Variants in NTRK3 observed in about 807,000 individuals in gnomAD.
NTRK3 encodes the protein NT-3 growth factor receptor.
NTRK3 carries 24 observed loss-of-function variants against 91.7 expected under a neutral mutation model. The ratio of observed to expected loss-of-function variants is 0.26; its 90% CI spans 0.19 to 0.37. NTRK3 has a LOEUF of 0.37. Among genes scored for constraint, NTRK3 ranks in the 10% least tolerant of loss-of-function variants. The probability of loss-of-function intolerance (pLI) is 1.00; values close to 1 mark genes in which losing one functional copy is unlikely to be tolerated. For synonymous variants in NTRK3, 483 were observed against 404.0 expected (o/e 1.20, Z -2.34); for missense variants, 880 against 1,068.9 (o/e 0.82, Z 2.46).
intron 17 of NTRK3, among the ~76,000 whole-genome samples, chr15:87,919,698 G>A (rs2067716463): frequency 6.6e-6 from 1 of 152,126 alleles, no homozygotes; most frequent in Admixed American, 6.6e-5. Context: ...GGTGAATCTT[G>A]GACAATTATC....
At chr15:87,963,336 G>A (rs915518779) in intron 14 of NTRK3, among the ~76,000 whole-genome samples, 14 of 152,030 alleles carry the variant, frequency 9.2e-5, no homozygotes, top group African/African-American at 3.1e-4. Flanking sequence ...TCAAACACAG[G>A]GGACTAGACA....
At chr15:88,249,231 G>T (rs1230084622) in intron 3 of NTRK3, among the ~76,000 whole-genome samples, 1 of 152,202 alleles carries the variant, frequency 6.6e-6, no homozygotes, top group Non-Finnish European at 1.5e-5. Context: ...TGAGCCCCAG[G>T]TTCCCCAGCC....
intron 3 of NTRK3, among the ~76,000 whole-genome samples, chr15:88,220,559 G>A (rs1281730342): frequency 6.6e-6 from 1 of 152,234 alleles, no homozygotes; most frequent in Non-Finnish European, 1.5e-5. Context: ...GTGTGAGTTG[G>A]TGAGAATGAA....
chr15:88,036,943 G>T (rs1596876438), intron 13 of NTRK3, among the ~76,000 whole-genome samples: 1 of 152,206 alleles, frequency 6.6e-6, no homozygotes, highest in African/African-American at 2.4e-5. Flanking sequence ...CTTTGAATCT[G>T]CTCACATAAA....
intron 3 of NTRK3, among the ~76,000 whole-genome samples, chr15:88,199,775 A>C (rs984530552): frequency 2.0e-5 from 3 of 152,190 alleles, no homozygotes; most frequent in African/African-American, 7.2e-5. Flanking sequence ...TCACCCCTGC[A>C]AGCATTCCTC....
exon 4 of NTRK3, chr15:88,184,283 G>A (rs770278704): frequency 5.0e-6 from 8 of 1,614,088 alleles, no homozygotes; most frequent in South Asian, 2.2e-5. Context: ...TGAAGACTGC[G>A]CCAGTTCTCT....
intron 14 of NTRK3, among the ~76,000 whole-genome samples, chr15:88,015,978 A>T (rs755708779): frequency 6.6e-6 from 1 of 151,506 alleles, no homozygotes; most frequent in African/African-American, 2.4e-5. Context: ...CTAGATGACA[A>T]ATTCAGATTA....
intron 14 of NTRK3, chr15:87,977,621 G>A (rs2073839347): frequency 4.3e-6 from 1 of 231,944 alleles, no homozygotes; most frequent in Non-Finnish European, 8.5e-6. Flanking sequence ...AGGGCACAAT[G>A]GGGAACAGCC....
intron 16 of NTRK3, among the ~76,000 whole-genome samples, chr15:87,932,413 T>C (rs1029202810): frequency 2.6e-5 from 4 of 152,318 alleles, no homozygotes; most frequent in East Asian, 1.9e-4. Flanking sequence ...TTAAACCTTA[T>C]TGAACTTTAA....
At chr15:88,025,130 C>T (rs984925331) in intron 14 of NTRK3, among the ~76,000 whole-genome samples, 3 of 152,236 alleles carry the variant, frequency 2.0e-5, no homozygotes, top group Non-Finnish European at 4.4e-5. Flanking sequence ...AGGAGACCCT[C>T]GGGCAGGAGC....
At chr15:88,188,153 G>A (rs2047096331) in intron 3 of NTRK3, among the ~76,000 whole-genome samples, 1 of 152,126 alleles carries the variant, frequency 6.6e-6, no homozygotes, top group Non-Finnish European at 1.5e-5. Flanking sequence ...CATGGTGATG[G>A]CCCCCACAGG....
Position 88,237,633 on chromosome 15 carries a change from T to C in NTRK3, c.248+18273A>G, listed in dbSNP as rs2051913818. On this transcript the variant is annotated intron_variant, in intron 3 of 18. Coordinates refer to ENST00000394480, the Ensembl canonical transcript of NTRK3. The surrounding 1 kb of genome is among the most constrained non-coding windows in gnomAD (Gnocchi z 4.0). Reference sequence around the variant, plus strand: ...GTGGACCCTTCTCAGATGTTGCACTTGCTTGCGTGTGTCCTTCCCTTTATC... The same window carrying C: ...GTGGACCCTTCTCAGATGTTGCACTCGCTTGCGTGTGTCCTTCCCTTTATC... Among the ~76,000 whole-genome samples, 1 of 152,242 alleles carries C rather than the reference T, an allele frequency of 6.6e-6. No homozygotes were observed. The highest frequency in any genetic ancestry group is 1.5e-5 in the Non-Finnish European group (1 of 68,054).
chr15:87,943,360 G>A (rs1234423438), intron 14 of NTRK3, among the ~76,000 whole-genome samples: 1 of 152,098 alleles, frequency 6.6e-6, no homozygotes, highest in Non-Finnish European at 1.5e-5. Flanking sequence ...TTAGCTCAAA[G>A]GTCCTCCTTC....
Position 88,240,480 on chromosome 15 carries a change from C to A in NTRK3, c.248+15426G>T, listed in dbSNP as rs1176691429. On this transcript the variant is annotated intron_variant, in intron 3 of 18. Coordinates refer to ENST00000394480, the Ensembl canonical transcript of NTRK3. This position sits in a 1 kb window ranked among gnomAD's most constrained non-coding sequence, Gnocchi z 4.9. ...GTCCCAAGGGCCCCTTCTACCCCAC[C>A]CTCCTTACCACCAAAACAGCACGTC... 6.6e-6 allele frequency among the ~76,000 whole-genome samples: 1 copy of A among 152,172 alleles called. No homozygotes were observed. Among genetic ancestry groups the A allele is most frequent in the East Asian group, 1.9e-4 (1 of 5,180 alleles).
chr15:88,079,247 G>C (rs1232925262), intron 13 of NTRK3, among the ~76,000 whole-genome samples: 1 of 152,196 alleles, frequency 6.6e-6, no homozygotes, highest in East Asian at 1.9e-4. Flanking sequence ...TGAAGTAAGA[G>C]AGTCATCAAA....
chr15:88,022,199 G>T (rs193171581), intron 14 of NTRK3, among the ~76,000 whole-genome samples: 6 of 152,186 alleles, frequency 3.9e-5, no homozygotes, highest in Admixed American at 3.9e-4. Context: ...AAGCTCTCTG[G>T]CTTCCAAAAG....
intron 6 of NTRK3, among the ~76,000 whole-genome samples, chr15:88,144,662 C>A (rs925057862): frequency 6.6e-6 from 1 of 152,116 alleles, no homozygotes; most frequent in Non-Finnish European, 1.5e-5. Flanking sequence ...TCTTGAACTA[C>A]CTGTTTAACT....
intron 3 of NTRK3, among the ~76,000 whole-genome samples, chr15:88,229,356 T>G (rs2050969984): frequency 6.6e-6 from 1 of 152,150 alleles, no homozygotes; most frequent in African/African-American, 2.4e-5. Context: ...ATCTGCCTGA[T>G]CTTTACACTC....
intron 5 of NTRK3, among the ~76,000 whole-genome samples, chr15:88,148,873 G>A (rs1200697798): frequency 6.6e-6 from 1 of 152,158 alleles, no homozygotes. Flanking sequence ...AGGTAGAGCT[G>A]CCAGGATTTC....
Sources: allele counts gnomAD v4.1 joint callset (sites outside exome capture counted in the v4.1 genomes callset), GRCh38; gene constraint gnomAD v4.1.1; non-coding constraint Gnocchi (gnomAD v3.1); transcripts MANE v1.5; gene names NCBI Gene and HGNC (gene_info 2026-07-23, HGNC 2026-07-21).